The following CPLX1 variants were observed in gnomAD, a reference collection of about 807,000 sequenced individuals.
The protein encoded by CPLX1 is complexin-1.
CPLX1 carries 6 observed loss-of-function variants against 15.6 expected under a neutral mutation model. The observed-to-expected ratio is 0.39, with a 90% CI of 0.21 to 0.76. CPLX1 has a LOEUF of 0.76. CPLX1 is among the 30% of genes least tolerant of loss of function. The probability of loss-of-function intolerance (pLI) is 0.43; values close to 1 mark genes in which losing one functional copy is unlikely to be tolerated. For missense variants in CPLX1, 242 were observed against 188.6 expected (o/e 1.28, Z -1.66); for synonymous variants, 91 against 75.2 (o/e 1.21, Z -1.08).
intron 3 of CPLX1, chr4:787,329 C>G: frequency 2.0e-6 from 2 of 985,038 alleles, no homozygotes; most frequent in Non-Finnish European, 2.4e-6. Flanking sequence ...GCCTCACCGA[C>G]CCCCTGCCCA....
intron 3 of CPLX1, chr4:788,576 C>T (rs1174796645): frequency 7.1e-6 from 7 of 985,370 alleles, no homozygotes; most frequent in African/African-American, 3.5e-5. Context: ...GAGGGCCCTG[C>T]AGGCCCAGAA....
chr4:808,871 CAG>C (rs1460956915), intron 2 of CPLX1, among the ~76,000 whole-genome samples: 5 of 152,204 alleles, frequency 3.3e-5, no homozygotes, highest in Non-Finnish European at 7.3e-5. Flanking sequence ...ATTCAAGAAA[CAG>C]ATAATTCCAA....
At chr4:814,329 C>G (rs1222212354) in intron 2 of CPLX1, among the ~76,000 whole-genome samples, 1 of 152,320 alleles carries the variant, frequency 6.6e-6, no homozygotes, top group East Asian at 1.9e-4. Flanking sequence ...TCTCCTGCCT[C>G]ACCCTCCTGA....
intron 3 of CPLX1, among the ~76,000 whole-genome samples, chr4:791,775 G>A (rs1475993215): frequency 6.6e-6 from 1 of 152,156 alleles, no homozygotes; most frequent in Non-Finnish European, 1.5e-5. Flanking sequence ...CAGCACCCCA[G>A]GCCCCTTCTA....
chr4:796,403 C>T (rs190919382), intron 2 of CPLX1, among the ~76,000 whole-genome samples: 5 of 152,192 alleles, frequency 3.3e-5, no homozygotes, highest in South Asian at 2.1e-4. Flanking sequence ...CCCTTGCCTC[C>T]GCCTCCTGAG....
rs546285581 is a variant in CPLX1 at position 820,957 on chromosome 4, G to A, written c.31+3535C>T. Among the ~76,000 whole-genome samples, 17 of 152,242 alleles carry A rather than the reference G, an allele frequency of 1.1e-4. No individual in the cohort carries two copies. The East Asian group carries it at 1.5e-3, about 14-fold the overall frequency. ...GAACCCTGCACTTCCTGCCTGGGCC[G>A]TCCACGAGACACTTCTCGTCCACCC... On this transcript the variant is annotated intron_variant, in intron 2 of 3. Transcript: ENST00000304062.
intron 2 of CPLX1, among the ~76,000 whole-genome samples, chr4:812,524 A>C (rs1746682294): frequency 6.6e-6 from 1 of 152,212 alleles, no homozygotes; most frequent in Admixed American, 6.5e-5. Context: ...CGTCCATCAG[A>C]GTAATAAAAA....
intron 2 of CPLX1, chr4:804,721 CT>C: frequency 1.0e-6 from 1 of 985,188 alleles, no homozygotes; most frequent in South Asian, 4.7e-5. Context: ...TCAGAGGAGA[CT>C]CAACCCAAGT....
intron 3 of CPLX1, 39 bp downstream of exon 3, chr4:792,393 AG>A: frequency 6.7e-7 from 1 of 1,483,524 alleles, no homozygotes; most frequent in African/African-American, 1.4e-5. Context: ...CGCTGGACTC[AG>A]GGCCGCCTTC....
chr4:791,372 C>T (rs908993827), intron 3 of CPLX1, among the ~76,000 whole-genome samples: 3 of 151,680 alleles, frequency 2.0e-5, no homozygotes, highest in Non-Finnish European at 4.4e-5. Context: ...TGCGAGGGAC[C>T]GGAGGGTGTG....
Position 786,277 on chromosome 4 carries a change from G to T in CPLX1, c.*224C>A, listed in dbSNP as rs1745983056. 1 of 409,008 alleles carries T rather than the reference G, an allele frequency of 2.4e-6. No individual in the cohort carries two copies. The highest frequency in any genetic ancestry group is 3.8e-5 in the East Asian group (1 of 26,360). The allele number at this position is 409,008 out of a possible 1,614,324, so 25.3% of individuals were successfully genotyped here. ...GAGAAAGGGGCGTCCCAGGCGATGG[G>T]GCTCCAGCCACCCGCGGGCAGAGGA... On this transcript the variant is annotated 3_prime_UTR_variant, in exon 4 of 4. Coordinates refer to ENST00000304062, the MANE Select transcript of CPLX1 (RefSeq NM_006651.4).
intron 2 of CPLX1, among the ~76,000 whole-genome samples, chr4:819,591 G>T (rs1746822849): frequency 1.3e-5 from 2 of 152,258 alleles, no homozygotes; most frequent in African/African-American, 2.4e-5. Flanking sequence ...GGGGGTCATT[G>T]CCTAGCGGTT....
In CPLX1 at chr4:792,418, C is replaced by G; in HGVS notation, c.207+15G>C. The G allele has an allele frequency of 6.6e-7, 1 of 1,519,286 alleles. No individual in the cohort carries two copies. The highest frequency in any genetic ancestry group is 1.3e-5 in the South Asian group (1 of 79,570). 94.1% of individuals were successfully genotyped at this position (1,519,286 alleles called of 1,614,324 possible). ...AGGGCCGCCTTCCCGCAGGCGGGGCCGGCCCGGCGCGCACCTTGTCTCGGA... is the reference window on the plus strand; with the variant it reads ...AGGGCCGCCTTCCCGCAGGCGGGGCGGGCCCGGCGCGCACCTTGTCTCGGA... On this transcript the variant is annotated intron_variant, in intron 3 of 3. Transcript: ENST00000304062.
At chr4:786,889 C>T (rs1380140745) in intron 3 of CPLX1, 191 bp from the exon 4 acceptor site, 19 of 983,702 alleles carry the variant, frequency 1.9e-5, no homozygotes, top group Non-Finnish European at 2.3e-5. Flanking sequence ...GGGAAGCCCC[C>T]ACGGAGAATG....
At chr4:791,887 G>A (rs1212615770) in intron 3 of CPLX1, among the ~76,000 whole-genome samples, 1 of 152,216 alleles carries the variant, frequency 6.6e-6, no homozygotes, top group East Asian at 1.9e-4. Flanking sequence ...GGCCGTGCTG[G>A]AGCCACCGAG....
At chr4:799,357 G>A (rs1577474965) in intron 2 of CPLX1, among the ~76,000 whole-genome samples, 2 of 152,326 alleles carry the variant, frequency 1.3e-5, no homozygotes, top group East Asian at 3.9e-4. Context: ...CTCAAGAGGC[G>A]GGGTTCAGGA....
Position 786,673 on chromosome 4 carries a change from C to G in CPLX1, c.233G>C (p.Arg78Pro), listed in dbSNP as rs1746001951. 10 of 1,609,436 alleles carry G rather than the reference C, an allele frequency of 6.2e-6. No individual in the cohort carries two copies. Among genetic ancestry groups the G allele is most frequent in the African/African-American group, 1.3e-5 (1 of 74,600 alleles). ...CATGGCGGCCTGGGCCTCGGCCTCG[C>G]GCTCCTCCTTCTTCTTGATGCCGTA... ...DKYGIKKKEE[R>P]EAEAQAAMEA... The change falls in exon 4 of 4, where the codon CGC (arginine) becomes CCC (proline). Residue 78 changes from arginine (R) to proline (P), a missense_variant. Coordinates refer to ENST00000304062, the MANE Select transcript of CPLX1 (RefSeq NM_006651.4).
intron 2 of CPLX1, among the ~76,000 whole-genome samples, chr4:800,472 T>TA (rs1216635676): frequency 6.8e-6 from 1 of 146,800 alleles, no homozygotes; most frequent in Non-Finnish European, 1.5e-5. Flanking sequence ...CCATCTCTAC[T>TA]AAAAAATATA....
At position 792,532 on chromosome 4, in the gene CPLX1, C is replaced by G. The variant is rs1187271173; in HGVS notation, c.108G>C (p.Glu36Asp). Reference sequence around the variant, plus strand: ...CCGCCTGGCGCAGCGCCTCCTGCCGCTCCTCCTCCTTCTTGGCGGCGTCTG... The same window carrying G: ...CCGCCTGGCGCAGCGCCTCCTGCCGGTCCTCCTCCTTCTTGGCGGCGTCTG... ...KDPDAAKKEE[E>D]RQEALRQAEE... Residue 36 changes from glutamate to aspartate, a missense_variant, in exon 3 of 4, where the codon GAG becomes GAC. Physicochemically the swap from Glu to Asp is conservative, Grantham distance 45. Transcript: ENST00000304062. 3.7e-6 allele frequency: 6 copies of G among 1,613,440 alleles called. No homozygotes were observed. Among genetic ancestry groups the G allele is most frequent in the Non-Finnish European group, 5.1e-6 (6 of 1,179,766 alleles).
Sources: gnomAD v4.1 joint callset for allele counts (sites outside exome capture counted in the v4.1 genomes callset) on GRCh38, gnomAD v4.1.1 for gene constraint, MANE v1.5 for transcripts, NCBI Gene and HGNC (gene_info 2026-07-23, HGNC 2026-07-21) for gene names.